ABCA10: variants seen among roughly 807,000 people sequenced by gnomAD.
The protein encoded by ABCA10 is ATP binding cassette subfamily A member 10.
Under a neutral mutation model 187.5 loss-of-function variants are expected in ABCA10, and 169 were observed. The observed-to-expected ratio is 0.90, with a 90% confidence interval of 0.80 to 1.02. The LOEUF (loss-of-function observed/expected upper bound fraction) is 1.02. Ranked by LOEUF, ABCA10 falls within the 50% of genes least tolerant of loss-of-function variation. The pLI is 0.00. For missense variants in ABCA10, 1,727 were observed against 1,812.4 expected (o/e 0.95, Z 0.86); for synonymous variants, 574 against 601.8 (o/e 0.95, Z 0.68).
chr17:69,211,336 TATATATATATATATATATATATATAC>T lies in ABCA10; in HGVS notation c.1006+3342_1006+3367del, dbSNP rs1488728927. On this transcript the variant is annotated intron_variant, in intron 9 of 38. Transcript: ENST00000690296. ...TATGATATATATATATATATATATA[TATATATATATATATATATATATATAC>T]ACACACACCACATTTTCTTTATCCA... is the stretch of plus-strand genomic sequence containing the variant. 6.0e-3 allele frequency among the ~76,000 whole-genome samples: 703 copies of T among 117,490 alleles called. 16 individuals are homozygous for T. Among genetic ancestry groups the T allele is most frequent in the African/African-American group, 0.028 (677 of 24,266 alleles). The allele number at this position is 117,490 out of a possible 152,430, so 77.1% of individuals were successfully genotyped here. A position where few individuals can be genotyped will look rare whatever the true frequency, so the allele number is the denominator to read the frequency against.
upstream of ABCA10, among the ~76,000 whole-genome samples, chr17:69,230,479 A>T: frequency 6.6e-6 from 1 of 151,316 alleles, no homozygotes; most frequent in East Asian, 1.9e-4. Context: ...TAGGATTTGG[A>T]CCCTTTTCAT....
At chr17:69,207,445 C>T (rs776309743) in intron 9 of ABCA10, among the ~76,000 whole-genome samples, 5 of 152,056 alleles carry the variant, frequency 3.3e-5, no homozygotes, top group African/African-American at 9.7e-5. Context: ...CTCCCATATT[C>T]GTTGTAGCAT....
intron 19 of ABCA10, among the ~76,000 whole-genome samples, chr17:69,186,924 T>C (rs2074426006): frequency 6.6e-6 from 1 of 152,178 alleles, no homozygotes; most frequent in South Asian, 2.1e-4. Context: ...CCAAAGCTCC[T>C]AGAACAATGC....
chr17:69,155,856 T>A lies in ABCA10; in HGVS notation c.3525A>T (p.Gln1175His), dbSNP rs148017256. 1 of 1,613,696 alleles carries A rather than the reference T, an allele frequency of 6.2e-7. No homozygotes were observed. Among genetic ancestry groups the A allele is most frequent in the African/African-American group, 1.3e-5 (1 of 74,916 alleles). ...CATTTGCTGCTTGGACTCTTTCAGC[T>A]TGAACATCTTCATCTTCTTCTTCGG... ...EEPEEEDEDV[Q>H]AERVQAANAL... Residue 1175 changes from glutamine to histidine, a missense_variant, in exon 29 of 39, where the codon CAA (glutamine) becomes CAT (histidine). Transcript: ENST00000690296.
intron 9 of ABCA10, among the ~76,000 whole-genome samples, chr17:69,211,332 T>TCATATATATACATCATATATATG (rs1321860699): frequency 4.5e-5 from 5 of 112,140 alleles, no homozygotes; most frequent in African/African-American, 3.1e-4. Context: ...TATATATATA[T>TCATATATATACATCATATATATG]ATATATATAT....
chr17:69,191,639 G>A (rs2074460832), intron 16 of ABCA10, among the ~76,000 whole-genome samples: 1 of 134,302 alleles, frequency 7.4e-6, no homozygotes, highest in Non-Finnish European at 1.6e-5. Context: ...GCAAATACAT[G>A]TGTATAAAAG....
chr17:69,192,559 A>C lies in ABCA10; in HGVS notation c.1871+4T>G, dbSNP rs1205480500. On this transcript the variant is annotated splice_donor_region_variant and intron_variant, in intron 16 of 38. Transcript: ENST00000690296. ...TTAAAAATAACTACACCTAGAATAC[A>C]TACCTTAAATGATATCCAATACCCC... is the stretch of plus-strand genomic sequence containing the variant. The C allele has an allele frequency of 6.2e-7, 1 of 1,604,354 alleles. No individual in the cohort carries two copies. The highest frequency in any genetic ancestry group is 8.5e-7 in the Non-Finnish European group (1 of 1,172,400).
At chr17:69,189,490 T>C (rs1451427697) in intron 18 of ABCA10, among the ~76,000 whole-genome samples, 1 of 152,180 alleles carries the variant, frequency 6.6e-6, no homozygotes, top group Non-Finnish European at 1.5e-5. Context: ...ACTCTGTTGA[T>C]AGTTTCTTTT....
At chr17:69,163,272 C>T (rs996458748) in intron 27 of ABCA10, among the ~76,000 whole-genome samples, 1 of 152,162 alleles carries the variant, frequency 6.6e-6, no homozygotes, top group Non-Finnish European at 1.5e-5. Flanking sequence ...TCAAAAAGCA[C>T]AGCCACCAAA....
intron 37 of ABCA10, 26 bp from the exon 38 acceptor site, chr17:69,149,114 T>C: frequency 6.2e-7 from 1 of 1,612,924 alleles, no homozygotes; most frequent in Non-Finnish European, 8.5e-7. Context: ...CTGACATTAG[T>C]GGCTTATATA....
intron 12 of ABCA10, among the ~76,000 whole-genome samples, 168 bp from the exon 13 acceptor site, chr17:69,194,157 G>A (rs139001405): frequency 1.7e-4 from 26 of 152,166 alleles, no homozygotes; most frequent in Non-Finnish European, 3.2e-4. Flanking sequence ...TACTGTTAAC[G>A]TAAATATCTG....
intron 1 of ABCA10, among the ~76,000 whole-genome samples, chr17:69,238,883 G>C (rs1025688700): frequency 1.3e-5 from 2 of 152,104 alleles, no homozygotes; most frequent in Non-Finnish European, 2.9e-5. Flanking sequence ...ACCCATCATT[G>C]ATTTAATTGT....
intron 1 of ABCA10, among the ~76,000 whole-genome samples, chr17:69,239,656 C>T (rs894515867): frequency 6.6e-6 from 1 of 152,038 alleles, no homozygotes; most frequent in African/African-American, 2.4e-5. Context: ...GTAATTGTGT[C>T]CCCATGGTTT....
At chr17:69,171,790 A>G (rs1043567466) in intron 25 of ABCA10, among the ~76,000 whole-genome samples, 1 of 152,202 alleles carries the variant, frequency 6.6e-6, no homozygotes, top group African/African-American at 2.4e-5. Context: ...AAGTGATAAG[A>G]GAAAATGACT....
At position 69,153,369 on chromosome 17, in the gene ABCA10, G is replaced by T. The variant is rs759421451; in HGVS notation, c.4072C>A (p.Pro1358Thr). ...GGCTCATCTAGAAGCACCACTGATG[G>T]GTTCCCCAGGATGCTCAGCACAAAG... ...LCFVLSILGN[P>T]SVVLLDEPFT... is the part of the protein sequence containing the mutation. The change falls in exon 34 of 39, where the codon CCA (proline) becomes ACA (threonine). Residue 1358 changes from proline (P) to threonine (T), a missense_variant. Pro to Thr is a conservative substitution (Grantham distance 38, BLOSUM62 -1). Coordinates refer to ENST00000690296, the MANE Select transcript of ABCA10 (RefSeq NM_001377321.1). The T allele has an allele frequency of 2.5e-6, 4 of 1,613,526 alleles. No individual in the cohort carries two copies. Among genetic ancestry groups the T allele is most frequent in the East Asian group, 4.5e-5 (2 of 44,888 alleles).
intron 36 of ABCA10, among the ~76,000 whole-genome samples, chr17:69,151,745 T>C (rs2074129624): frequency 6.6e-6 from 1 of 152,322 alleles, no homozygotes; most frequent in African/African-American, 2.4e-5. Flanking sequence ...TTAAAAATCA[T>C]TAAAAAGTTG....
chr17:69,225,404 G>C lies in ABCA10; in HGVS notation c.-46C>G, dbSNP rs766374519. ...TGACTGGTGTATATGCCACTACCAGGCCAGAGTCATTAAACTGATCCACGC... is the reference window on the plus strand; with the variant it reads ...TGACTGGTGTATATGCCACTACCAGCCCAGAGTCATTAAACTGATCCACGC... On this transcript the variant is annotated 5_prime_UTR_variant, in exon 3 of 39. Coordinates refer to ENST00000690296, the MANE Select transcript of ABCA10 (RefSeq NM_001377321.1). The C allele has an allele frequency of 7.6e-5, 122 of 1,602,420 alleles. No homozygotes were observed. Among genetic ancestry groups the C allele is most frequent in the Non-Finnish European group, 8.8e-5 (103 of 1,170,902 alleles).
intron 9 of ABCA10, among the ~76,000 whole-genome samples, chr17:69,209,420 T>A (rs1184055895): frequency 6.6e-6 from 1 of 152,192 alleles, no homozygotes; most frequent in African/African-American, 2.4e-5. Flanking sequence ...ACATGTTACA[T>A]CACGAAATTG....
intron 17 of ABCA10, 60 bp from the exon 18 acceptor site, chr17:69,190,537 A>G: frequency 2.1e-5 from 30 of 1,412,340 alleles, no homozygotes; most frequent in Non-Finnish European, 2.8e-5. Flanking sequence ...ATATTAAAAT[A>G]CTAATTTCTA....
Sources: allele counts gnomAD v4.1 joint callset (sites outside exome capture counted in the v4.1 genomes callset), GRCh38; gene constraint gnomAD v4.1.1; transcripts MANE v1.5; gene names NCBI Gene and HGNC (gene_info 2026-07-23, HGNC 2026-07-21).